PHC1: variants seen among roughly 807,000 people sequenced by gnomAD.
The protein encoded by PHC1 is polyhomeotic homolog 1, also known as polyhomeotic-like protein 1.
In PHC1, 12 loss-of-function variants were observed where a neutral mutation model predicts 104.3. The ratio of observed to expected loss-of-function variants is 0.12; its 90% CI spans 0.07 to 0.19. The LOEUF (loss-of-function observed/expected upper bound fraction) is 0.19. PHC1 is among the 10% of genes least tolerant of loss of function. PHC1 has a pLI of 1.00. For synonymous variants in PHC1, 302 were observed against 455.8 expected, an observed-to-expected ratio of 0.66 and a Z score of 4.30; for missense variants, 671 against 1,200.0, an observed-to-expected ratio of 0.56 and a Z score of 6.51.
chr12:8,924,141 A>G (rs1945449033), intron 6 of PHC1, among the ~76,000 whole-genome samples: 1 of 152,160 alleles, frequency 6.6e-6, no homozygotes, highest in Admixed American at 6.5e-5. Context: ...CAGGATTAAA[A>G]AATAAATGTG....
chr12:8,928,843 T>C (rs948113462), intron 6 of PHC1, among the ~76,000 whole-genome samples: 2 of 152,236 alleles, frequency 1.3e-5, no homozygotes, highest in Non-Finnish European at 2.9e-5. Flanking sequence ...TCACGATCCA[T>C]TTGTTTTGTT....
Position 8,939,387 on chromosome 12 carries a change from G to A in PHC1, c.2943G>A (p.Met981Ile), listed in dbSNP as rs762926460. 4.4e-6 allele frequency: 7 copies of A among 1,602,964 alleles called. No individual in the cohort carries two copies. In the South Asian group the frequency reaches 7.7e-5, roughly 18 times the overall value. Residue 981 changes from methionine to isoleucine, a missense_variant, in exon 15 of 15, where the codon ATG becomes ATA. Physicochemically the swap from Met to Ile is conservative, Grantham distance 10. Around this residue, in one of 9 missense-constraint regions of PHC1, gnomAD observed 10 missense variants for 48.3 expected, o/e 0.21. Coordinates refer to ENST00000544916, the MANE Select transcript of PHC1 (RefSeq NM_004426.3). ...ALLLLKEEHL[M>I]SAMNIKLGPA... The stretch of plus-strand genomic sequence containing the variant: ...TATTACTTAAAGAAGAACATCTTAT[G>A]AGTGCCATGAACATCAAGCTGGGCC...
chr12:8,927,861 C>T (rs1945562994), intron 6 of PHC1, among the ~76,000 whole-genome samples: 1 of 58,850 alleles, frequency 1.7e-5, no homozygotes, highest in Non-Finnish European at 3.3e-5. Flanking sequence ...AGTTTTCTTT[C>T]TTTCTTTCTT....
chr12:8,929,238 A>G (rs190529205), intron 6 of PHC1, among the ~76,000 whole-genome samples: 3 of 152,280 alleles, frequency 2.0e-5, no homozygotes, highest in Admixed American at 2.0e-4. Flanking sequence ...CCCTTTATCC[A>G]TATTTTGGAG....
intron 2 of PHC1, among the ~76,000 whole-genome samples, chr12:8,918,211 G>A (rs779782478): frequency 6.6e-6 from 1 of 152,138 alleles, no homozygotes; most frequent in South Asian, 2.1e-4. Flanking sequence ...AAATATTTTG[G>A]TTACTAGAAT....
chr12:8,931,209 C>G (rs1565519791), intron 7 of PHC1, among the ~76,000 whole-genome samples: 1 of 152,164 alleles, frequency 6.6e-6, no homozygotes, highest in Non-Finnish European at 1.5e-5. Context: ...TTTTATCACT[C>G]TGTCTATTCA....
In PHC1 at chr12:8,921,073, C is replaced by T. The variant is rs369688884; in HGVS notation, c.306+8C>T. 1.9e-5 allele frequency: 30 copies of T among 1,598,624 alleles called. No individual in the cohort carries two copies. Among genetic ancestry groups the T allele is most frequent in the Middle Eastern group, 3.3e-4 (2 of 6,032 alleles). On this transcript the variant is annotated splice_region_variant and intron_variant, in intron 4 of 14. Transcript: ENST00000544916. ...ACCACCACCCAGGCCTCGGTGAGTA[C>T]GCCCTCTCCCACTGAGAGGCTTCTC...
rs370059702 is a variant in PHC1 at position 8,917,818 on chromosome 12, G to A, written c.114+27G>A. 1.5e-4 allele frequency: 185 copies of A among 1,195,006 alleles called. 1 individual carries two copies. The East Asian group carries it at 3.1e-3, about 20-fold the overall frequency. The allele number at this position is 1,195,006 out of a possible 1,614,324, so 74.0% of individuals were successfully genotyped here. ...TGAGACTCAGCTCTGAGGGGCCATG[G>A]TCTGTGAGTCTTGGCTTGTGGTAGG... On this transcript the variant is annotated intron_variant, in intron 2 of 14. Coordinates refer to ENST00000544916, the MANE Select transcript of PHC1 (RefSeq NM_004426.3).
At position 8,932,580 on chromosome 12, in the gene PHC1, C is replaced by T. The variant is rs1292176680; in HGVS notation, c.1123C>T (p.Gln375Ter). 6.2e-7 allele frequency: 1 copy of T among 1,613,944 alleles called. No homozygotes were observed. The highest frequency in any genetic ancestry group is 8.5e-7 in the Non-Finnish European group (1 of 1,179,870). ...LISSATYTQI[Q>*]PHSLIQQQQQ... The stretch of plus-strand genomic sequence containing the variant: ...TCCTATAGCCACCTACACACAGATC[C>T]AGCCCCATTCACTGATTCAGCAACA... The change falls in exon 8 of 15, where the codon CAG becomes TAG. Residue 375 changes from glutamine to a stop codon, truncating the protein, a stop_gained. Coordinates refer to ENST00000544916, the MANE Select transcript of PHC1 (RefSeq NM_004426.3). LOFTEE classifies it high-confidence loss of function.
chr12:8,915,045 AC>A (rs1424675122), intron 1 of PHC1: 1 of 152,436 alleles, frequency 6.6e-6, no homozygotes, highest in East Asian at 1.9e-4. Flanking sequence ...TCTGTCCGTC[AC>A]CCTAGCTGCC....
chr12:8,919,671 C>A lies in PHC1; in HGVS notation c.115-85C>A. ...CCTCTGGTTTCTGTCCTTCCCATGG[C>A]CCCCTTTCACACAAATACAGTGATT... On this transcript the variant is annotated intron_variant, in intron 2 of 14. Coordinates refer to ENST00000544916, the MANE Select transcript of PHC1 (RefSeq NM_004426.3). The surrounding 1 kb of genome is among the most constrained non-coding windows in gnomAD (Gnocchi z 4.9). 2.3e-6 allele frequency: 3 copies of A among 1,325,390 alleles called. No homozygotes were observed. The highest frequency in any genetic ancestry group is 2.1e-6 in the Non-Finnish European group (2 of 952,780). 82.1% of individuals were successfully genotyped at this position (1,325,390 alleles called of 1,614,324 possible). A position where few individuals can be genotyped will look rare whatever the true frequency, so the allele number is the denominator to read the frequency against.
At chr12:8,923,909 A>C (rs1161955421) in intron 6 of PHC1, among the ~76,000 whole-genome samples, 1 of 152,170 alleles carries the variant, frequency 6.6e-6, no homozygotes, top group African/African-American at 2.4e-5. Context: ...TAATACAAAA[A>C]TACAGCATCG....
At position 8,927,853 on chromosome 12, in the gene PHC1, TTTTCTTTCTTTCTTTCTTTCTTTC is replaced by T. The variant is rs71045227; in HGVS notation, c.613-2542_613-2519del. ...ATTATTTTAACCTGTACTGTACTAG[TTTTCTTTCTTTCTTTCTTTCTTTC>T]TTTCTTTCTTTCTTTCTTTCTTTCT... On this transcript the variant is annotated intron_variant, in intron 6 of 14. Coordinates refer to ENST00000544916, the MANE Select transcript of PHC1 (RefSeq NM_004426.3). Among the ~76,000 whole-genome samples the T allele has an allele frequency of 2.2e-3, 248 of 110,884 alleles. 5 individuals carry two copies. The highest frequency in any genetic ancestry group is 7.6e-3 in the African/African-American group (221 of 29,066). The allele number at this position is 110,884 out of a possible 152,430, so 72.7% of individuals were successfully genotyped here. A position where few individuals can be genotyped will look rare whatever the true frequency, so the allele number is the denominator to read the frequency against.
rs918488625 is a variant in PHC1, at chr12:8,914,609, G to T, written c.-267G>T. On this transcript the variant is annotated 5_prime_UTR_variant, in exon 1 of 15. Coordinates refer to ENST00000544916, the MANE Select transcript of PHC1 (RefSeq NM_004426.3). Reference sequence around the variant, plus strand: ...CCGGAGGCCTGGCTGAGCCGCGGCCGGGCCCGCACCCGGAGCGGCGGGAGG... The same window carrying T: ...CCGGAGGCCTGGCTGAGCCGCGGCCTGGCCCGCACCCGGAGCGGCGGGAGG... 1 of 150,802 alleles carries T rather than the reference G, an allele frequency of 6.6e-6. No individual in the cohort carries two copies. The highest frequency in any genetic ancestry group is 2.4e-5 in the African/African-American group (1 of 41,256). The allele number at this position is 150,802 out of a possible 1,614,324, so 9.3% of individuals were successfully genotyped here.
At chr12:8,925,861 A>T (rs1260100481) in intron 6 of PHC1, among the ~76,000 whole-genome samples, 1 of 152,190 alleles carries the variant, frequency 6.6e-6, no homozygotes, top group Non-Finnish European at 1.5e-5. Flanking sequence ...CTCTTTGGAG[A>T]CTAAACGGAT....
chr12:8,922,880 T>G, intron 6 of PHC1, 92 bp downstream of exon 6: 1 of 1,102,186 alleles, frequency 9.1e-7, no homozygotes, highest in Admixed American at 3.0e-5. Context: ...CCCATTACAC[T>G]TTTCAGAATT....
intron 7 of PHC1, among the ~76,000 whole-genome samples, chr12:8,932,023 T>C (rs1945699822): frequency 6.6e-6 from 1 of 152,216 alleles, no homozygotes; most frequent in Admixed American, 6.5e-5. Flanking sequence ...CTCTCAAGAC[T>C]CAGATGGTGG....
At chr12:8,916,144 A>G (rs1371484812) in intron 1 of PHC1, 1 of 154,028 alleles carries the variant, frequency 6.5e-6, no homozygotes, top group East Asian at 1.9e-4. Context: ...AGCTGATATG[A>G]TTTTTCCTAT....
intron 4 of PHC1, among the ~76,000 whole-genome samples, chr12:8,921,278 A>G (rs912309553): frequency 1.3e-5 from 2 of 152,216 alleles, no homozygotes; most frequent in Non-Finnish European, 2.9e-5. Context: ...AGGAAAGAAA[A>G]TCCTGGGGAA....
Sources: allele counts gnomAD v4.1 joint callset (sites outside exome capture counted in the v4.1 genomes callset), GRCh38; gene constraint gnomAD v4.1.1; regional missense constraint gnomAD v4.1.1; non-coding constraint Gnocchi (gnomAD v3.1); transcripts MANE v1.5; gene names NCBI Gene and HGNC (gene_info 2026-07-23, HGNC 2026-07-21).